FRMPD4: variants seen among roughly 807,000 people sequenced by gnomAD.
FRMPD4 encodes the protein FERM and PDZ domain-containing protein 4.
A neutral mutation model predicts 94.1 loss-of-function variants in FRMPD4; 22 were observed. The ratio of observed to expected loss-of-function variants is 0.23; its 90% CI spans 0.17 to 0.33. FRMPD4 has a LOEUF of 0.33. Ranked by LOEUF, FRMPD4 falls within the 10% of genes least tolerant of loss-of-function variation. FRMPD4 has a pLI of 1.00. For missense variants in FRMPD4, 1,111 were observed against 1,339.9 expected (o/e 0.83, Z 2.67); for synonymous variants, 631 against 548.6 (o/e 1.15, Z -2.10).
intron 3 of FRMPD4, among the ~76,000 whole-genome samples, chrX:11,951,190 C>T (rs1420062629): frequency 9.0e-6 from 1 of 110,943 alleles, no homozygotes; most frequent in East Asian, 2.8e-4. Flanking sequence ...GTGGTGATTC[C>T]TTGAAAACCT....
chrX:12,496,328 C>T (rs549974070), intron 1 of FRMPD4, among the ~76,000 whole-genome samples: 1 of 112,107 alleles, frequency 8.9e-6, no homozygotes, highest in Non-Finnish European at 1.9e-5. Context: ...CAAGAATCAT[C>T]TGAATTACTT....
At chrX:12,682,490 A>C (rs1035494274) in intron 5 of FRMPD4, among the ~76,000 whole-genome samples, 4 of 112,703 alleles carry the variant, frequency 3.5e-5, no homozygotes, top group Non-Finnish European at 7.5e-5. Flanking sequence ...TTCATTTATA[A>C]AATAACAATT....
At position 12,193,835 on chromosome X, in the gene FRMPD4, G is replaced by GAA. The variant is rs200598680; in HGVS notation, c.41+54824_41+54825dup. On this transcript the variant is annotated intron_variant, in intron 1 of 16. Coordinates refer to ENST00000675598, the MANE Select transcript of FRMPD4 (RefSeq NM_001368397.1). Reference sequence around the variant, plus strand: ...GGAAGGAAGGAAGGAAGGAGGGAAGGAAGAAAGAAAAGAAAGAAAAAGGAA... The same window carrying GAA: ...GGAAGGAAGGAAGGAAGGAGGGAAGGAAAAGAAAGAAAAGAAAGAAAAAGGAA... Among the ~76,000 whole-genome samples the GAA allele has an allele frequency of 1.7e-4, 5 of 28,632 alleles. 1 individual carries two copies. The highest frequency in any genetic ancestry group is 2.0e-3 in the East Asian group (1 of 503). The allele number at this position is 28,632 out of a possible 115,157, so 24.9% of individuals were successfully genotyped here. A position where few individuals can be genotyped will look rare whatever the true frequency, so the allele number is the denominator to read the frequency against.
At chrX:12,286,982 T>C (rs1308398010) in intron 1 of FRMPD4, among the ~76,000 whole-genome samples, 3 of 112,093 alleles carry the variant, frequency 2.7e-5, no homozygotes, top group Non-Finnish European at 5.6e-5. Flanking sequence ...TCAAGAACTC[T>C]TGGGAGAATG....
intron 1 of FRMPD4, among the ~76,000 whole-genome samples, chrX:12,231,056 T>TATAAAAAAA (rs2057000877): frequency 1.5e-5 from 1 of 68,257 alleles, no homozygotes; most frequent in African/African-American, 5.6e-5. Context: ...ATAAAATATA[T>TATAAAAAAA]ATATATATAT....
At chrX:11,955,015 A>G (rs181087380) in intron 3 of FRMPD4, among the ~76,000 whole-genome samples, 126 of 111,700 alleles carry the variant, frequency 1.1e-3, no homozygotes, top group African/African-American at 4.0e-3. Flanking sequence ...TTCTCACAGT[A>G]CTGGAGACTG....
At position 12,476,302 on chromosome X, in the gene FRMPD4, C is replaced by T. The variant is rs1431850955; in HGVS notation, c.42-22378C>T. On this transcript the variant is annotated intron_variant, in intron 1 of 16. Transcript: ENST00000675598. ...CTGGATCCCTTCCTTACACCTTATACAAAAATTAATTCAAGATGGATTAAA... is the reference window on the plus strand; with the variant it reads ...CTGGATCCCTTCCTTACACCTTATATAAAAATTAATTCAAGATGGATTAAA... Among the ~76,000 whole-genome samples, 3 of 111,658 alleles carry T rather than the reference C, an allele frequency of 2.7e-5. No homozygotes were observed. The Admixed American group carries it at 2.9e-4, about 11-fold the overall frequency.
chrX:12,511,028 G>T (rs1012717748), intron 2 of FRMPD4, among the ~76,000 whole-genome samples: 3 of 112,501 alleles, frequency 2.7e-5, no homozygotes, highest in Non-Finnish European at 3.8e-5. Context: ...AGCTTCTTAG[G>T]AAATTGGAGA....
intron 1 of FRMPD4, among the ~76,000 whole-genome samples, chrX:12,139,944 A>G (rs970828116): frequency 7.1e-5 from 8 of 112,320 alleles, no homozygotes; most frequent in Non-Finnish European, 1.5e-4. Flanking sequence ...GATGTAGCTT[A>G]AAAACTTACT....
intron 3 of FRMPD4, among the ~76,000 whole-genome samples, chrX:11,921,202 T>C (rs1301738897): frequency 8.9e-6 from 1 of 111,956 alleles, no homozygotes; most frequent in East Asian, 2.8e-4. Context: ...TTTCTCACAG[T>C]CCTGGAGGCT....
At chrX:11,920,964 C>T (rs904472784) in intron 3 of FRMPD4, among the ~76,000 whole-genome samples, 2 of 112,149 alleles carry the variant, frequency 1.8e-5, no homozygotes, top group Admixed American at 9.4e-5. Flanking sequence ...GTAATGCTCG[C>T]CAACTGCTTT....
At chrX:12,413,942 T>C (rs1295133280) in intron 1 of FRMPD4, among the ~76,000 whole-genome samples, 1 of 112,310 alleles carries the variant, frequency 8.9e-6, no homozygotes, top group African/African-American at 3.2e-5. Context: ...ATTCATTTAG[T>C]GTCTAGGTGA....
chrX:12,227,026 G>A (rs2056930135), intron 1 of FRMPD4, among the ~76,000 whole-genome samples: 2 of 111,927 alleles, frequency 1.8e-5, no homozygotes, highest in East Asian at 2.8e-4. Flanking sequence ...TGAAAACTAT[G>A]TTTACATTAG....
chrX:12,277,555 G>A (rs927526473), intron 1 of FRMPD4, among the ~76,000 whole-genome samples: 7 of 112,056 alleles, frequency 6.2e-5, no homozygotes, highest in African/African-American at 2.3e-4. Flanking sequence ...TCCAGTCTCT[G>A]GTGATAAGAC....
intron 1 of FRMPD4, among the ~76,000 whole-genome samples, chrX:12,439,214 CTCTT>C (rs1034840220): frequency 9.0e-6 from 1 of 111,225 alleles, no homozygotes; most frequent in African/African-American, 3.3e-5. Context: ...TTGCCTCACT[CTCTT>C]TGTGTCTTCC....
At chrX:12,583,705 C>T (rs1248397786) in intron 2 of FRMPD4, among the ~76,000 whole-genome samples, 1 of 112,916 alleles carries the variant, frequency 8.9e-6, no homozygotes, top group Non-Finnish European at 1.9e-5. Flanking sequence ...ATCTCTGCCG[C>T]TTCCCGCGAC....
chrX:12,703,775 T>C (rs1362477554), intron 10 of FRMPD4, among the ~76,000 whole-genome samples: 1 of 111,847 alleles, frequency 8.9e-6, no homozygotes, highest in Non-Finnish European at 1.9e-5. Flanking sequence ...CTGGGCACAC[T>C]TAAGAGTCAT....
chrX:11,961,533 A>G (rs775404839), intron 3 of FRMPD4, among the ~76,000 whole-genome samples: 2 of 112,267 alleles, frequency 1.8e-5, no homozygotes, highest in East Asian at 5.6e-4. Context: ...AAGCAATGCC[A>G]TATCAGCTCA....
At chrX:12,719,026 T>C (rs1166151571) in intron 16 of FRMPD4, among the ~76,000 whole-genome samples, 1 of 112,469 alleles carries the variant, frequency 8.9e-6, no homozygotes, top group Non-Finnish European at 1.9e-5. Context: ...CTTTCAGAAT[T>C]GGATGGGGCA....
Sources: allele counts gnomAD v4.1 joint callset (sites outside exome capture counted in the v4.1 genomes callset), GRCh38; gene constraint gnomAD v4.1.1; transcripts MANE v1.5; gene names NCBI Gene and HGNC (gene_info 2026-07-23, HGNC 2026-07-21).